Variants in SHPRH observed in about 807,000 individuals in gnomAD.
SHPRH encodes SNF2 histone linker PHD RING helicase.
SHPRH carries 106 observed loss-of-function variants against 202.5 expected under a neutral mutation model. That is an observed-to-expected ratio of 0.52 (90% CI 0.45 to 0.62). SHPRH has a LOEUF of 0.62. Ranked by LOEUF, SHPRH falls within the 20% of genes least tolerant of loss-of-function variation. The pLI, the probability that SHPRH is intolerant of heterozygous loss-of-function variation, is 0.00. For synonymous variants in SHPRH, 729 were observed against 686.0 expected (o/e 1.06, Z -0.98); for missense variants, 1,710 against 2,020.0 (o/e 0.85, Z 2.94).
chr6:145,952,279 T>G (rs2128800289), intron 3 of SHPRH, 70 bp downstream of exon 3: 1 of 1,382,158 alleles, frequency 7.2e-7, no homozygotes, highest in South Asian at 1.5e-5. Context: ...GATTGTTATG[T>G]CCAGGGGTTA....
At chr6:145,897,225 A>T (rs1278639161) in intron 25 of SHPRH, among the ~76,000 whole-genome samples, 1 of 152,028 alleles carries the variant, frequency 6.6e-6, no homozygotes, top group African/African-American at 2.4e-5. Context: ...AACTGATACC[A>T]CAGAAATACA....
intron 27 of SHPRH, among the ~76,000 whole-genome samples, 185 bp from the exon 28 acceptor site, chr6:145,893,578 G>A (rs1219177211): frequency 6.6e-6 from 1 of 152,040 alleles, no homozygotes; most frequent in African/African-American, 2.4e-5. Context: ...TAATTATGAA[G>A]AAAAGTATCA....
Position 145,903,745 on chromosome 6 carries a change from T to A in SHPRH, c.4515+6703A>T, listed in dbSNP as rs539207459. On this transcript the variant is annotated intron_variant, in intron 25 of 29. Transcript: ENST00000275233. ...TATTATCTAAGACTCTTGACCAGTA[T>A]ATAGGGTCAGGGTTTCCACTGGCAA... 3 of 152,160 alleles carry A rather than the reference T, an allele frequency of 2.0e-5. No individual in the cohort carries two copies. The East Asian group carries it at 5.8e-4, about 29-fold the overall frequency. The allele number at this position is 152,160 out of a possible 1,614,324, so 9.4% of individuals were successfully genotyped here.
At chr6:145,933,351 T>G (rs541435112) in intron 13 of SHPRH, 173 bp from the exon 14 acceptor site, 2 of 889,678 alleles carry the variant, frequency 2.2e-6, no homozygotes, top group South Asian at 3.8e-5. Flanking sequence ...ATAAGTACCT[T>G]TATTTGATCA....
In SHPRH at chr6:145,950,496, A is replaced by G. The variant is rs1213870685; in HGVS notation, c.764-14T>C. 6.2e-7 allele frequency: 1 copy of G among 1,607,950 alleles called. No homozygotes were observed. Among genetic ancestry groups the G allele is most frequent in the Non-Finnish European group, 8.5e-7 (1 of 1,175,776 alleles). ...CTTCCAACACATCTGTACATCACACAGCAAATGTACTCAAAAACTGATAGG... is the reference window on the plus strand; with the variant it reads ...CTTCCAACACATCTGTACATCACACGGCAAATGTACTCAAAAACTGATAGG... On this transcript the variant is annotated splice_polypyrimidine_tract_variant and intron_variant, in intron 3 of 29. Coordinates refer to ENST00000275233, the MANE Select transcript of SHPRH (RefSeq NM_001042683.3).
intron 8 of SHPRH, among the ~76,000 whole-genome samples, chr6:145,945,157 C>T (rs149416583): frequency 8.5e-5 from 13 of 152,266 alleles, no homozygotes; most frequent in East Asian, 1.9e-4. Flanking sequence ...GTATTTGTTA[C>T]GTGCCAAGCA....
At position 145,943,253 on chromosome 6, in the gene SHPRH, T is replaced by C. The variant is rs753100620; in HGVS notation, c.2128A>G (p.Met710Val). ...PFYCPHCLVAMEPVSTRATLI... is the reference protein window; with the variant it reads ...PFYCPHCLVAVEPVSTRATLI... ...GTTGCTCTTGTTGACACTGGTTCCA[T>C]TGCAACAAGGCAGTGGGGGCAGTAA... The change falls in exon 9 of 30, where the codon ATG (methionine) becomes GTG (valine). Residue 710 changes from methionine (M) to valine (V), a missense_variant. Coordinates refer to ENST00000275233, the MANE Select transcript of SHPRH (RefSeq NM_001042683.3). The C allele has an allele frequency of 9.9e-6, 16 of 1,613,840 alleles. No homozygotes were observed. The highest frequency in any genetic ancestry group is 4.5e-5 in the East Asian group (2 of 44,866).
At chr6:145,952,577 G>A in intron 2 of SHPRH, 99 bp from the exon 3 acceptor site, 1 of 1,127,288 alleles carries the variant, frequency 8.9e-7, no homozygotes, top group Non-Finnish European at 1.2e-6. Flanking sequence ...ACTTTTAAAG[G>A]TATTCATAGC....
chr6:145,921,483 G>A, intron 20 of SHPRH, 91 bp from the exon 21 acceptor site: 3 of 1,286,122 alleles, frequency 2.3e-6, no homozygotes, highest in Non-Finnish European at 2.1e-6. Flanking sequence ...ATGTTTGCAA[G>A]TCTTTGGAAA....
chr6:145,927,265 A>G lies in SHPRH; in HGVS notation c.3125T>C (p.Leu1042Ser), dbSNP rs1784964720. Residue 1042 changes from leucine to serine, a missense_variant, in exon 15 of 30, where the codon TTG becomes TCG. Transcript: ENST00000275233. ...CACTTCTCTGTACAATTCTGCTGCC[A>G]AGGCATACTCACCTAAAGAATTAAA... ...GIHIIKGEYA[L>S]AAELYREVLR... 2 of 1,611,526 alleles carry G rather than the reference A, an allele frequency of 1.2e-6. No homozygotes were observed. Among genetic ancestry groups the G allele is most frequent in the East Asian group, 2.2e-5 (1 of 44,712 alleles).
intron 13 of SHPRH, among the ~76,000 whole-genome samples, chr6:145,934,500 A>C (rs1785846213): frequency 1.3e-5 from 2 of 150,838 alleles, no homozygotes; most frequent in African/African-American, 4.9e-5. Context: ...AATAAAATAA[A>C]ATAAAATAAA....
chr6:145,857,905 A>C, the SHPRH span, among the ~76,000 whole-genome samples: 2 of 152,174 alleles, frequency 1.3e-5, no homozygotes, highest in Non-Finnish European at 1.5e-5. Context: ...AAACGTGTTT[A>C]CAATATTTGC....
intron 2 of SHPRH, among the ~76,000 whole-genome samples, chr6:145,867,100 AG>A (rs2128686335): frequency 6.6e-6 from 1 of 152,280 alleles, no homozygotes; most frequent in East Asian, 1.9e-4. Flanking sequence ...CTCAAATTTG[AG>A]GTCACTATAG....
chr6:145,903,584 C>T (rs1321928349), intron 25 of SHPRH: 1 of 151,838 alleles, frequency 6.6e-6, no homozygotes, highest in Non-Finnish European at 1.5e-5. Flanking sequence ...AAAAAGCAGG[C>T]CAGTTGATGG....
chr6:145,886,968 T>C (rs1781076769), intron 29 of SHPRH, among the ~76,000 whole-genome samples, 181 bp from the exon 30 acceptor site: 1 of 152,224 alleles, frequency 6.6e-6, no homozygotes, highest in South Asian at 2.1e-4. Context: ...TGAAGATTTC[T>C]ATATATTACT....
chr6:145,935,359 G>A lies in SHPRH; in HGVS notation c.2652C>T (p.Tyr884=), dbSNP rs1330073147. 1.9e-6 allele frequency: 3 copies of A among 1,614,004 alleles called. No homozygotes were observed. ...AGAGATGCTGAGGATTCTTCTTGCA[G>A]TAAGGCCGATAGAGAAGTCGAACCC... is the stretch of plus-strand genomic sequence containing the variant. The part of the protein sequence containing the change: ...HWWVRLLYRP[Y]CKKNPQHLYS... Residue 884 remains tyrosine, a synonymous_variant, in exon 12 of 30, where the codon TAC becomes TAT. Coordinates refer to ENST00000275233, the MANE Select transcript of SHPRH (RefSeq NM_001042683.3).
intron 7 of SHPRH, among the ~76,000 whole-genome samples, chr6:145,945,883 C>T (rs1340905986): frequency 6.6e-6 from 1 of 151,918 alleles, no homozygotes; most frequent in Non-Finnish European, 1.5e-5. Flanking sequence ...TACTATAAAA[C>T]AATCATTCAA....
downstream of SHPRH, among the ~76,000 whole-genome samples, chr6:145,860,955 T>A (rs191266507): frequency 2.6e-3 from 400 of 152,006 alleles, 2 homozygotes; most frequent in Non-Finnish European, 4.7e-3. Flanking sequence ...ATGTAAAGCA[T>A]GAAAGTGGGC....
chr6:145,957,932 T>C (rs1238988495), intron 1 of SHPRH, among the ~76,000 whole-genome samples: 2 of 152,210 alleles, frequency 1.3e-5, no homozygotes, highest in African/African-American at 2.4e-5. Flanking sequence ...CAAATGTCCA[T>C]CAACTGGTGA....
Sources: allele counts gnomAD v4.1 joint callset (sites outside exome capture counted in the v4.1 genomes callset), GRCh38; gene constraint gnomAD v4.1.1; transcripts MANE v1.5; gene names NCBI Gene and HGNC (gene_info 2026-07-23, HGNC 2026-07-21).